The following AMPH variants were observed in gnomAD, a reference collection of about 807,000 sequenced individuals.
AMPH encodes the protein amphiphysin.
AMPH carries 49 observed loss-of-function variants against 99.1 expected under a neutral mutation model. The observed-to-expected ratio is 0.49, with a 90% CI of 0.39 to 0.63. The LOEUF (loss-of-function observed/expected upper bound fraction) is 0.63, where lower values mean the gene tolerates loss of function less well. Among genes scored for constraint, AMPH ranks in the 20% least tolerant of loss-of-function variants. The pLI is 0.00. For missense variants in AMPH, 759 were observed against 863.4 expected (o/e 0.88, Z 1.52); for synonymous variants, 314 against 317.3 (o/e 0.99, Z 0.11).
At chr7:38,502,472 G>A (rs564751134) in intron 3 of AMPH, among the ~76,000 whole-genome samples, 91 of 152,238 alleles carry the variant, frequency 6.0e-4, no homozygotes, top group African/African-American at 2.0e-3. Flanking sequence ...TTGTCTACAA[G>A]GAACACCTGA....
chr7:38,503,731 A>G lies in AMPH; in HGVS notation c.151-27T>C, dbSNP rs759879332. Reference sequence around the variant, plus strand: ...TAAAAAACACAAGCACAGATGCTAAATATCTAGTCTATATTCTGCATGAAA... The same window carrying G: ...TAAAAAACACAAGCACAGATGCTAAGTATCTAGTCTATATTCTGCATGAAA... On this transcript the variant is annotated intron_variant, in intron 2 of 20. Coordinates refer to ENST00000356264, the MANE Select transcript of AMPH (RefSeq NM_001635.4). 3.1e-6 allele frequency: 5 copies of G among 1,608,800 alleles called. No individual in the cohort carries two copies. In the African/African-American group the frequency reaches 4.0e-5, roughly 13 times the overall value.
In AMPH at chr7:38,612,401, CT is replaced by C. The variant is rs367684068; in HGVS notation, c.69+18881del. On this transcript the variant is annotated intron_variant, in intron 1 of 20. Coordinates refer to ENST00000356264, the MANE Select transcript of AMPH (RefSeq NM_001635.4). Reference sequence around the variant, plus strand: ...TGTTTTTGTCTTTTTACAAATATCACTGTGAAAATGCCACTGGAGTTTCACA... The same window carrying C: ...TGTTTTTGTCTTTTTACAAATATCACGTGAAAATGCCACTGGAGTTTCACA... 7.2e-3 allele frequency among the ~76,000 whole-genome samples: 1,103 copies of C among 152,160 alleles called. 17 individuals carry two copies. The highest frequency in any genetic ancestry group is 0.025 in the African/African-American group (1,058 of 41,508).
intron 1 of AMPH, among the ~76,000 whole-genome samples, chr7:38,609,743 A>G (rs1292926847): frequency 4.2e-5 from 3 of 71,346 alleles, no homozygotes; most frequent in African/African-American, 2.2e-4. Context: ...ACCCCTGGGT[A>G]ATAGATTGCA....
chr7:38,545,338 G>A lies in AMPH; in HGVS notation c.70-10327C>T, dbSNP rs142066757. Among the ~76,000 whole-genome samples the A allele has an allele frequency of 3.9e-5, 6 of 152,148 alleles. No homozygotes were observed. In the East Asian group the frequency reaches 7.8e-4, roughly 20 times the overall value. ...GGGCTTGGGGAATAAGGGTGGATCC[G>A]GCTTTACACCAAGAACAGCTTGCTT... is the stretch of plus-strand genomic sequence containing the variant. On this transcript the variant is annotated intron_variant, in intron 1 of 20. Transcript: ENST00000356264.
At chr7:38,610,144 G>A (rs1330319929) in intron 1 of AMPH, among the ~76,000 whole-genome samples, 2 of 148,784 alleles carry the variant, frequency 1.3e-5, no homozygotes, top group African/African-American at 5.0e-5. Context: ...GCTGAGGCAG[G>A]AGAATTGCTT....
chr7:38,534,291 A>G (rs1790517905), intron 2 of AMPH, among the ~76,000 whole-genome samples: 1 of 152,204 alleles, frequency 6.6e-6, no homozygotes, highest in South Asian at 2.1e-4. Context: ...TCATTTTACC[A>G]GAAGTGTTAA....
At chr7:38,625,525 A>G (rs534634476) in intron 1 of AMPH, among the ~76,000 whole-genome samples, 2 of 152,338 alleles carry the variant, frequency 1.3e-5, no homozygotes, top group East Asian at 3.9e-4. Flanking sequence ...CTAAGAAAGT[A>G]AAAAAGCAAG....
intron 1 of AMPH, among the ~76,000 whole-genome samples, chr7:38,575,597 C>T (rs1223314199): frequency 6.6e-6 from 1 of 152,184 alleles, no homozygotes; most frequent in Non-Finnish European, 1.5e-5. Context: ...ATTTAAACCT[C>T]TCCTTCCTGC....
chr7:38,621,502 A>G (rs1476975222), intron 1 of AMPH, among the ~76,000 whole-genome samples: 2 of 152,216 alleles, frequency 1.3e-5, no homozygotes, highest in Admixed American at 6.5e-5. Context: ...AAGCATATGA[A>G]TTTAACATCC....
At chr7:38,475,142 C>G (rs1034039150) in intron 7 of AMPH, among the ~76,000 whole-genome samples, 189 bp downstream of exon 7, 2 of 152,122 alleles carry the variant, frequency 1.3e-5, no homozygotes, top group African/African-American at 2.4e-5. Context: ...CCTTTTTAAT[C>G]CTAGCCATAT....
chr7:38,413,072 T>G (rs548999947), intron 17 of AMPH, among the ~76,000 whole-genome samples: 75 of 152,340 alleles, frequency 4.9e-4, no homozygotes, highest in African/African-American at 1.7e-3. Flanking sequence ...ATATTTCACA[T>G]GCTTCTGCTT....
At chr7:38,497,579 C>T (rs979192484) in intron 3 of AMPH, among the ~76,000 whole-genome samples, 31 of 152,150 alleles carry the variant, frequency 2.0e-4, no homozygotes, top group African/African-American at 7.5e-4. Context: ...CTTAAATAGC[C>T]TGAGAGTATG....
At chr7:38,498,750 T>G (rs913350735) in intron 3 of AMPH, among the ~76,000 whole-genome samples, 10 of 152,228 alleles carry the variant, frequency 6.6e-5, no homozygotes, top group Non-Finnish European at 1.3e-4. Flanking sequence ...TCATGGGACG[T>G]TTTCCCTTGT....
chr7:38,514,244 C>A (rs1181742944), intron 2 of AMPH, among the ~76,000 whole-genome samples: 1 of 152,176 alleles, frequency 6.6e-6, no homozygotes, highest in Non-Finnish European at 1.5e-5. Flanking sequence ...TCCTGGCATG[C>A]AGAACACACT....
intron 1 of AMPH, among the ~76,000 whole-genome samples, chr7:38,572,009 G>A (rs973362422): frequency 4.0e-5 from 6 of 151,784 alleles, no homozygotes; most frequent in African/African-American, 1.5e-4. Context: ...AGGTTCAAGT[G>A]ATTCTCCTGC....
chr7:38,483,290 AG>A (rs1788361117), intron 5 of AMPH, among the ~76,000 whole-genome samples: 1 of 152,078 alleles, frequency 6.6e-6, no homozygotes, highest in African/African-American at 2.4e-5. Flanking sequence ...TCCTCTCCCT[AG>A]GTTAGTGTAG....
chr7:38,540,574 GT>G (rs1790768785), intron 1 of AMPH, among the ~76,000 whole-genome samples: 2 of 151,380 alleles, frequency 1.3e-5, no homozygotes, highest in Admixed American at 6.6e-5. Flanking sequence ...CAAAAAAGTG[GT>G]TGGCATTTAA....
At chr7:38,402,657 T>C (rs533688409) in intron 17 of AMPH, among the ~76,000 whole-genome samples, 40 of 152,320 alleles carry the variant, frequency 2.6e-4, no homozygotes, top group Non-Finnish European at 3.1e-4. Context: ...CCAAATGGCC[T>C]GGATGCTTCA....
At chr7:38,607,877 T>C (rs140573453) in intron 1 of AMPH, among the ~76,000 whole-genome samples, 10 of 152,342 alleles carry the variant, frequency 6.6e-5, no homozygotes, top group African/African-American at 2.4e-4. Flanking sequence ...TTATGAAAAT[T>C]ACTTAAAACA....
Sources: gnomAD v4.1 joint callset for allele counts (sites outside exome capture counted in the v4.1 genomes callset) on GRCh38, gnomAD v4.1.1 for gene constraint, MANE v1.5 for transcripts, NCBI Gene and HGNC (gene_info 2026-07-23, HGNC 2026-07-21) for gene names.